NDUFC1: variants seen among roughly 807,000 people sequenced by gnomAD.
NDUFC1 encodes NADH dehydrogenase [ubiquinone] 1 subunit C1, mitochondrial.
Under a neutral mutation model 11.6 loss-of-function variants are expected in NDUFC1, and 11 were observed. The observed-to-expected ratio is 0.95, with a 90% CI of 0.60 to 1.58. The LOEUF (loss-of-function observed/expected upper bound fraction) is 1.58. Ranked by LOEUF, NDUFC1 falls within the 40% of genes most tolerant of loss-of-function variation. The pLI, the probability that NDUFC1 is intolerant of heterozygous loss-of-function variation, is 0.00. For missense variants in NDUFC1, 112 were observed against 93.0 expected (o/e 1.20, Z -0.84); for synonymous variants, 52 against 42.2 (o/e 1.23, Z -0.90).
At chr4:139,301,479 G>T in intron 1 of NDUFC1, 1 of 456,640 alleles carries the variant, frequency 2.2e-6, no homozygotes, top group South Asian at 4.0e-5. Context: ...GACCCGGGTG[G>T]GAAAACCCTC....
rs1472088286 is a variant in NDUFC1 at position 139,295,891 on chromosome 4, G to A, written c.-93C>T. 3 of 1,297,666 alleles carry A rather than the reference G, an allele frequency of 2.3e-6. No homozygotes were observed. The highest frequency in any genetic ancestry group is 3.1e-5 in the African/African-American group (2 of 64,948). The allele number at this position is 1,297,666 out of a possible 1,614,324, so 80.4% of individuals were successfully genotyped here. A position where few individuals can be genotyped will look rare whatever the true frequency, so the allele number is the denominator to read the frequency against. Reference sequence around the variant, plus strand: ...CGGGACTCGAGGGCTCTGCAGCAGAGCTCCGTGGGGGCGTCAACGTGAATT... The same window carrying A: ...CGGGACTCGAGGGCTCTGCAGCAGAACTCCGTGGGGGCGTCAACGTGAATT... On this transcript the variant is annotated 5_prime_UTR_variant, in exon 3 of 6. Coordinates refer to ENST00000394223, the MANE Select transcript of NDUFC1 (RefSeq NM_001184989.2).
intron 5 of NDUFC1, 117 bp downstream of exon 5, chr4:139,292,413 G>T: frequency 2.5e-6 from 1 of 397,842 alleles, no homozygotes; most frequent in African/African-American, 2.1e-5. Flanking sequence ...ACAGAAATAT[G>T]GGTGCTAAAA....
chr4:139,299,685 A>G (rs1437043556), intron 1 of NDUFC1, among the ~76,000 whole-genome samples: 1 of 152,180 alleles, frequency 6.6e-6, no homozygotes, highest in African/African-American at 2.4e-5. Context: ...TAACTAGCAA[A>G]TGAATCAGTT....
At chr4:139,292,820 A>G (rs958995418) in intron 4 of NDUFC1, among the ~76,000 whole-genome samples, 1 of 150,960 alleles carries the variant, frequency 6.6e-6, no homozygotes, top group South Asian at 2.1e-4. Context: ...ATATATATAT[A>G]TATATTTATT....
chr4:139,295,607 G>C lies in NDUFC1; in HGVS notation c.67+125C>G, dbSNP rs969524306. The C allele has an allele frequency of 2.8e-6, 3 of 1,053,782 alleles. No individual in the cohort carries two copies. In the African/African-American group the frequency reaches 4.9e-5, roughly 17 times the overall value. 65.3% of individuals were successfully genotyped at this position (1,053,782 alleles called of 1,614,324 possible). A position where few individuals can be genotyped will look rare whatever the true frequency, so the allele number is the denominator to read the frequency against. On this transcript the variant is annotated intron_variant, in intron 3 of 5. Transcript: ENST00000394223. ...ACAGGCGTGGGCTGGGCCTTGGGTC[G>C]TCTGCCGGCGAAGGTCACTGCAGGA...
At position 139,302,433 on chromosome 4, in the gene NDUFC1, C is replaced by T. The variant is rs978911357; in HGVS notation, c.-239G>A. 1 of 152,302 alleles carries T rather than the reference C, an allele frequency of 6.6e-6. No homozygotes were observed. The highest frequency in any genetic ancestry group is 1.5e-5 in the Non-Finnish European group (1 of 68,092). The allele number at this position is 152,302 out of a possible 1,614,324, so 9.4% of individuals were successfully genotyped here. On this transcript the variant is annotated 5_prime_UTR_variant, in exon 1 of 6. An upstream start codon of the reference 5' UTR is lost. Transcript: ENST00000394223. ...ACGACTACCTCCTTGTAGTCAGTTG[C>T]ATACTGGAGTCTTCAGCTCCTCTGC... is the stretch of plus-strand genomic sequence containing the variant.
intron 1 of NDUFC1, among the ~76,000 whole-genome samples, chr4:139,299,374 A>G (rs1745609705): frequency 6.6e-6 from 1 of 152,156 alleles, no homozygotes; most frequent in Non-Finnish European, 1.5e-5. Flanking sequence ...TCCCTTTTGT[A>G]GAATTAAAGT....
intron 3 of NDUFC1, 108 bp from the exon 4 acceptor site, chr4:139,295,254 A>C: frequency 1.2e-6 from 1 of 825,034 alleles, no homozygotes; most frequent in Non-Finnish European, 2.0e-6. Flanking sequence ...CAACTCCCCC[A>C]TCTCCCACTT....
intron 3 of NDUFC1, among the ~76,000 whole-genome samples, chr4:139,295,420 C>A (rs1361615888): frequency 3.3e-5 from 5 of 152,130 alleles, no homozygotes; most frequent in Non-Finnish European, 5.9e-5. Context: ...ATGTAAGGGG[C>A]GCCCCGGGGA....
rs559727416 is a variant in NDUFC1, at chr4:139,296,918, C to G, written c.-163+467G>C. On this transcript the variant is annotated intron_variant, in intron 2 of 5. Transcript: ENST00000394223. ...CTCTTTAGCAATGTTATTTTAAGAT[C>G]TTTTTTAACCAAAAATTATTGACCA... Among the ~76,000 whole-genome samples, 23 of 152,246 alleles carry G rather than the reference C, an allele frequency of 1.5e-4. No individual in the cohort carries two copies. In the South Asian group the frequency reaches 4.6e-3, roughly 30 times the overall value.
intron 4 of NDUFC1, 49 bp from the exon 5 acceptor site, chr4:139,292,658 C>T (rs1745280835): frequency 1.7e-6 from 2 of 1,188,282 alleles, no homozygotes; most frequent in Non-Finnish European, 2.4e-6. Flanking sequence ...TTCCTGGATA[C>T]TTATATTTTG....
At chr4:139,290,926 A>G (rs1745184360) in intron 5 of NDUFC1, among the ~76,000 whole-genome samples, 1 of 151,736 alleles carries the variant, frequency 6.6e-6, no homozygotes, top group Non-Finnish European at 1.5e-5. Flanking sequence ...ATCGTGCCTC[A>G]GCCTCCCAAA....
At chr4:139,290,954 C>T (rs1252493519) in intron 5 of NDUFC1, among the ~76,000 whole-genome samples, 6 of 151,412 alleles carry the variant, frequency 4.0e-5, no homozygotes, top group African/African-American at 1.5e-4. Flanking sequence ...GGACTACGGG[C>T]GCGCACCACC....
intron 1 of NDUFC1, chr4:139,301,437 G>C: frequency 2.3e-6 from 1 of 437,244 alleles, no homozygotes; most frequent in Non-Finnish European, 4.1e-6. Context: ...GGTGGGGAAA[G>C]GAGGTCACCG....
chr4:139,296,259 G>A (rs1235516748), intron 2 of NDUFC1: 1 of 158,474 alleles, frequency 6.3e-6, no homozygotes, highest in Non-Finnish European at 1.4e-5. Flanking sequence ...TACAGATGAA[G>A]CTTAAAGAAG....
At chr4:139,291,506 C>T (rs1014289159) in intron 5 of NDUFC1, among the ~76,000 whole-genome samples, 15 of 151,916 alleles carry the variant, frequency 9.9e-5, no homozygotes, top group Admixed American at 6.6e-5. Flanking sequence ...ACCTGGGAGG[C>T]GGAGGTTGCA....
At chr4:139,301,728 C>G (rs1745755536) in intron 1 of NDUFC1, 1 of 1,534,128 alleles carries the variant, frequency 6.5e-7, no homozygotes, top group Non-Finnish European at 8.8e-7. Context: ...GTCGGACAAA[C>G]TGACTGACCG....
intron 1 of NDUFC1, chr4:139,301,562 G>A (rs536644156): frequency 6.8e-6 from 4 of 589,874 alleles, no homozygotes; most frequent in Non-Finnish European, 1.2e-5. Context: ...GACCCGTAGT[G>A]GGGGAGGCGG....
rs1463414215 is a variant in NDUFC1 at position 139,289,964 on chromosome 4, T to C, written c.*149A>G. 1 of 152,232 alleles carries C rather than the reference T, an allele frequency of 6.6e-6. No individual in the cohort carries two copies. Among genetic ancestry groups the C allele is most frequent in the Non-Finnish European group, 1.5e-5 (1 of 68,048 alleles). 9.4% of individuals were successfully genotyped at this position (152,232 alleles called of 1,614,324 possible). On this transcript the variant is annotated 3_prime_UTR_variant, in exon 6 of 6. Transcript: ENST00000394223. ...AAGAATACAGAAGTATTTTTATTTC[T>C]TTTTATTTAATGATGCAAAATACAA...
Sources: gnomAD v4.1 joint callset for allele counts (sites outside exome capture counted in the v4.1 genomes callset) on GRCh38, gnomAD v4.1.1 for gene constraint, MANE v1.5 for transcripts, NCBI Gene and HGNC (gene_info 2026-07-23, HGNC 2026-07-21) for gene names.